MAML3: variants seen among roughly 807,000 people sequenced by gnomAD.
MAML3 encodes the protein mastermind like transcriptional coactivator 3.
A neutral mutation model predicts 101.9 loss-of-function variants in MAML3; 27 were observed. That is an observed-to-expected ratio of 0.27 (90% CI 0.20 to 0.37). The LOEUF is 0.37. Among genes scored for constraint, MAML3 ranks in the 10% least tolerant of loss-of-function variants. The pLI is 1.00. For missense variants in MAML3, 1,316 were observed against 1,444.9 expected (o/e 0.91, Z 1.45); for synonymous variants, 501 against 555.9 (o/e 0.90, Z 1.39).
In MAML3 at chr4:139,749,131, GA is replaced by G. The variant is rs534471040; in HGVS notation, c.2080-18465del. On this transcript the variant is annotated intron_variant, in intron 2 of 4. Coordinates refer to ENST00000509479, the MANE Select transcript of MAML3 (RefSeq NM_018717.5). ...GAAAGACTGGAATTTTCTTCAAATTGAGAAAAGGCAAAGAATGGTTTATAAA... is the reference window on the plus strand; with the variant it reads ...GAAAGACTGGAATTTTCTTCAAATTGGAAAAGGCAAAGAATGGTTTATAAA... 4.0e-4 allele frequency among the ~76,000 whole-genome samples: 61 copies of G among 152,260 alleles called. No individual in the cohort carries two copies. The South Asian group carries it at 0.013, about 32-fold the overall frequency.
At chr4:139,869,323 C>T (rs756749850) in intron 2 of MAML3, among the ~76,000 whole-genome samples, 2 of 152,066 alleles carry the variant, frequency 1.3e-5, no homozygotes, top group African/African-American at 2.4e-5. Context: ...CATCGAGCTG[C>T]GGATCTATGT....
chr4:139,779,917 T>C (rs1730167658), intron 2 of MAML3, among the ~76,000 whole-genome samples: 1 of 152,202 alleles, frequency 6.6e-6, no homozygotes, highest in Non-Finnish European at 1.5e-5. Context: ...GTCTTCGTTA[T>C]GTTGTAGGGC....
intron 1 of MAML3, among the ~76,000 whole-genome samples, chr4:139,989,850 A>ACAC (rs1734625641): frequency 1.6e-5 from 2 of 122,972 alleles, no homozygotes; most frequent in African/African-American, 6.2e-5. Context: ...CACACAAACA[A>ACAC]ACACACACAC....
chr4:139,751,697 T>C (rs563292847), intron 2 of MAML3, among the ~76,000 whole-genome samples: 1 of 152,280 alleles, frequency 6.6e-6, no homozygotes, highest in African/African-American at 2.4e-5. Context: ...GTGGGTTTGA[T>C]GGACCCCAGG....
intron 1 of MAML3, among the ~76,000 whole-genome samples, chr4:139,946,757 T>C (rs564721919): frequency 8.5e-5 from 13 of 152,246 alleles, no homozygotes; most frequent in Admixed American, 7.9e-4. Context: ...AAAACATCCT[T>C]CCTGGCCTCA....
chr4:139,802,995 A>G (rs1338678010), intron 2 of MAML3, among the ~76,000 whole-genome samples: 1 of 152,236 alleles, frequency 6.6e-6, no homozygotes, highest in Non-Finnish European at 1.5e-5. Flanking sequence ...GTGCTGAGAA[A>G]CGGTATAACT....
intron 2 of MAML3, among the ~76,000 whole-genome samples, chr4:139,807,111 T>C (rs756443229): frequency 1.4e-4 from 22 of 152,204 alleles, no homozygotes; most frequent in Admixed American, 2.0e-4. Flanking sequence ...AGCTGTGTCA[T>C]CACCTGGCTT....
At chr4:139,905,695 C>G (rs1452296769) in intron 1 of MAML3, among the ~76,000 whole-genome samples, 1 of 152,054 alleles carries the variant, frequency 6.6e-6, no homozygotes, top group Non-Finnish European at 1.5e-5. Context: ...TTCTCCTGTG[C>G]CTCTCTTCTT....
At chr4:139,733,815 G>A (rs1728820300) in intron 2 of MAML3, among the ~76,000 whole-genome samples, 1 of 152,156 alleles carries the variant, frequency 6.6e-6, no homozygotes, top group Non-Finnish European at 1.5e-5. Context: ...CTCCTGGGTA[G>A]GTGGGGGACT....
At chr4:139,861,690 G>A (rs930743101) in intron 2 of MAML3, among the ~76,000 whole-genome samples, 6 of 152,000 alleles carry the variant, frequency 3.9e-5, no homozygotes, top group Admixed American at 1.3e-4. Flanking sequence ...AACTCCTGTC[G>A]GGCTCTTGCA....
chr4:139,994,241 C>T (rs1734757983), intron 1 of MAML3, among the ~76,000 whole-genome samples: 1 of 152,200 alleles, frequency 6.6e-6, no homozygotes, highest in African/African-American at 2.4e-5. Context: ...TTCTCTCAGT[C>T]ATATTTTACA....
chr4:139,948,096 A>C (rs1733764108), intron 1 of MAML3, among the ~76,000 whole-genome samples: 1 of 141,122 alleles, frequency 7.1e-6, no homozygotes, highest in South Asian at 2.4e-4. Flanking sequence ...GCGAGACTCC[A>C]TCTCAAAATA....
intron 2 of MAML3, among the ~76,000 whole-genome samples, chr4:139,814,623 G>T (rs962774082): frequency 2.0e-5 from 3 of 152,156 alleles, no homozygotes; most frequent in Non-Finnish European, 4.4e-5. Context: ...GTGTGGTTCA[G>T]ATACTTTTTG....
intron 1 of MAML3, among the ~76,000 whole-genome samples, chr4:139,916,322 A>G (rs1183761152): frequency 1.3e-5 from 2 of 152,196 alleles, no homozygotes; most frequent in Admixed American, 6.5e-5. Context: ...TGGATCTCCT[A>G]TGAGGGCTGT....
At chr4:140,127,673 A>G (rs1728705692) in intron 1 of MAML3, among the ~76,000 whole-genome samples, 1 of 152,228 alleles carries the variant, frequency 6.6e-6, no homozygotes, top group South Asian at 2.1e-4. Flanking sequence ...GCTGATATTT[A>G]TAGAAGGCTC....
At chr4:140,007,834 T>C (rs1258533326) in intron 1 of MAML3, among the ~76,000 whole-genome samples, 1 of 152,188 alleles carries the variant, frequency 6.6e-6, no homozygotes, top group Non-Finnish European at 1.5e-5. Context: ...GCTTCTCTGC[T>C]CTTGCACTGA....
chr4:139,938,031 A>G (rs753951813), intron 1 of MAML3, among the ~76,000 whole-genome samples: 1 of 152,214 alleles, frequency 6.6e-6, no homozygotes, highest in Non-Finnish European at 1.5e-5. Context: ...GCTTTGATCC[A>G]TATACCCAGT....
chr4:139,780,267 G>C (rs1309343338), intron 2 of MAML3, among the ~76,000 whole-genome samples: 1 of 152,124 alleles, frequency 6.6e-6, no homozygotes, highest in Non-Finnish European at 1.5e-5. Flanking sequence ...CTCAATTGGT[G>C]CCAGGAGGCC....
chr4:140,021,726 C>T (rs532595700), intron 1 of MAML3, among the ~76,000 whole-genome samples: 2 of 152,198 alleles, frequency 1.3e-5, no homozygotes, highest in African/African-American at 4.8e-5. Flanking sequence ...GTTTAACGTT[C>T]CTGAATCCAC....
Sources: allele counts gnomAD v4.1 joint callset (sites outside exome capture counted in the v4.1 genomes callset), GRCh38; gene constraint gnomAD v4.1.1; transcripts MANE v1.5; gene names NCBI Gene and HGNC (gene_info 2026-07-23, HGNC 2026-07-21).